The following CA10 variants were observed in gnomAD, a reference collection of about 807,000 sequenced individuals.
CA10 encodes the protein carbonic anhydrase 10 (inactive).
CA10 carries 14 observed loss-of-function variants against 44.2 expected under a neutral mutation model. That is an observed-to-expected ratio of 0.32 (90% CI 0.21 to 0.50). The LOEUF is 0.50. Among genes scored for constraint, CA10 ranks in the 20% least tolerant of loss-of-function variants. The pLI is 0.99. For synonymous variants in CA10, 159 were observed against 141.6 expected (o/e 1.12, Z -0.87); for missense variants, 350 against 409.7 (o/e 0.85, Z 1.26).
chr17:52,108,190 TTTTTTATATATATATA>T (rs776657924), intron 1 of CA10, among the ~76,000 whole-genome samples: 9,852 of 78,954 alleles, frequency 0.12, 415 homozygotes, highest in African/African-American at 0.24. Context: ...TATATATATA[TTTTTTATATATATATA>T]TATATATATA....
chr17:52,075,756 G>T (rs1413178231), intron 1 of CA10, among the ~76,000 whole-genome samples: 2 of 152,016 alleles, frequency 1.3e-5, no homozygotes, highest in African/African-American at 4.8e-5. Flanking sequence ...CTGACCTAAA[G>T]GTGCTATTTA....
chr17:51,848,467 A>G (rs1207324112), intron 3 of CA10, among the ~76,000 whole-genome samples: 3 of 152,196 alleles, frequency 2.0e-5, no homozygotes, highest in Non-Finnish European at 4.4e-5. Context: ...CAAGCCTCCA[A>G]TCTGTTCCAG....
intron 7 of CA10, among the ~76,000 whole-genome samples, chr17:51,635,513 C>CA (rs1334200070): frequency 6.7e-6 from 1 of 148,740 alleles, no homozygotes. Flanking sequence ...GACTCCATCT[C>CA]AAAAAAGAAA....
Position 52,157,839 on chromosome 17 carries a change from G to A in CA10, c.-53C>T. 1.4e-6 allele frequency: 2 copies of A among 1,457,320 alleles called. No individual in the cohort carries two copies. Among genetic ancestry groups the A allele is most frequent in the Non-Finnish European group, 1.9e-6 (2 of 1,037,024 alleles). 90.3% of individuals were successfully genotyped at this position (1,457,320 alleles called of 1,614,324 possible). On this transcript the variant is annotated 5_prime_UTR_variant, in exon 1 of 9. Coordinates refer to ENST00000451037, the MANE Select transcript of CA10 (RefSeq NM_020178.5). ...CTCGACGGGAAAACGGGGGGAAGGG[G>A]GGAGCCCGACACGGCACACACACAT...
intron 2 of CA10, among the ~76,000 whole-genome samples, chr17:51,934,559 A>T (rs913115941): frequency 6.6e-6 from 1 of 152,164 alleles, no homozygotes; most frequent in African/African-American, 2.4e-5. Context: ...TTGAAAGTCA[A>T]CTATTCTAAA....
rs561500247 is a variant in CA10 at position 51,953,612 on chromosome 17, T to C, written c.137-22480A>G. Among the ~76,000 whole-genome samples the C allele has an allele frequency of 2.0e-5, 3 of 152,272 alleles. No homozygotes were observed. In the South Asian group the frequency reaches 6.2e-4, roughly 32 times the overall value. On this transcript the variant is annotated intron_variant, in intron 2 of 8. Transcript: ENST00000451037. ...TTATTAGTTCAAGTCTCTTTTGGTG[T>C]TTCTCAACAGTATTAAACATTTTTT...
Position 52,157,816 on chromosome 17 carries a change from C to T in CA10, c.-30G>A, listed in dbSNP as rs770646683. On this transcript the variant is annotated 5_prime_UTR_variant, in exon 1 of 9. Transcript: ENST00000451037. ...TGATTCTCATTCCAAGTGCATCACT[C>T]GACGGGAAAACGGGGGGAAGGGGGG... 1 of 1,598,480 alleles carries T rather than the reference C, an allele frequency of 6.3e-7. No individual in the cohort carries two copies. Among genetic ancestry groups the T allele is most frequent in the Non-Finnish European group, 8.6e-7 (1 of 1,165,830 alleles).
At chr17:52,046,903 C>A (rs550374413) in intron 2 of CA10, among the ~76,000 whole-genome samples, 1 of 151,982 alleles carries the variant, frequency 6.6e-6, no homozygotes, top group African/African-American at 2.4e-5. Context: ...ATCATTAATT[C>A]ACCATTTTAA....
At chr17:51,909,317 G>T (rs1299678052) in intron 3 of CA10, among the ~76,000 whole-genome samples, 1 of 152,136 alleles carries the variant, frequency 6.6e-6, no homozygotes, top group East Asian at 1.9e-4. Context: ...CTTTGGAACT[G>T]GAGGTCAGGC....
chr17:51,760,856 C>T (rs986991455), intron 3 of CA10, among the ~76,000 whole-genome samples: 2 of 152,066 alleles, frequency 1.3e-5, no homozygotes, highest in African/African-American at 4.8e-5. Context: ...TTTCATGTAA[C>T]CCAATATATC....
chr17:52,045,377 G>A (rs1986884159), intron 2 of CA10, among the ~76,000 whole-genome samples: 1 of 151,978 alleles, frequency 6.6e-6, no homozygotes, highest in South Asian at 2.1e-4. Flanking sequence ...ATCTACACAA[G>A]GGAATAAACA....
At chr17:51,687,130 C>A (rs954239482) in intron 4 of CA10, among the ~76,000 whole-genome samples, 2 of 152,184 alleles carry the variant, frequency 1.3e-5, no homozygotes, top group Non-Finnish European at 2.9e-5. Context: ...TGACTTTCTA[C>A]ATCTTACCTT....
chr17:52,143,432 T>A (rs1989522195), intron 1 of CA10, among the ~76,000 whole-genome samples: 1 of 152,216 alleles, frequency 6.6e-6, no homozygotes, highest in African/African-American at 2.4e-5. Context: ...GATCTGTTTT[T>A]TCTCTTTTTT....
intron 2 of CA10, among the ~76,000 whole-genome samples, chr17:51,987,065 T>C (rs968845511): frequency 6.6e-6 from 1 of 152,112 alleles, no homozygotes; most frequent in African/African-American, 2.4e-5. Context: ...TGCATGTTTA[T>C]AGCAGCACAA....
intron 4 of CA10, among the ~76,000 whole-genome samples, chr17:51,659,307 G>GACTT (rs1341942132): frequency 6.6e-6 from 1 of 152,100 alleles, no homozygotes; most frequent in East Asian, 1.9e-4. Flanking sequence ...TAGACTCTGG[G>GACTT]ACTTACACTA....
At chr17:52,132,042 G>C (rs938314808) in intron 1 of CA10, among the ~76,000 whole-genome samples, 1 of 151,914 alleles carries the variant, frequency 6.6e-6, no homozygotes, top group Non-Finnish European at 1.5e-5. Context: ...GATAGCATTA[G>C]GAGATATACC....
intron 1 of CA10, among the ~76,000 whole-genome samples, chr17:52,094,640 G>A (rs112489686): frequency 3.3e-5 from 5 of 152,132 alleles, no homozygotes; most frequent in African/African-American, 7.2e-5. Flanking sequence ...GGGAAAAGAC[G>A]AAGTCTTTTG....
intron 1 of CA10, among the ~76,000 whole-genome samples, chr17:52,150,459 T>G (rs2143410128): frequency 6.6e-6 from 1 of 152,330 alleles, no homozygotes; most frequent in Admixed American, 6.5e-5. Context: ...TCTGGTTGGA[T>G]TCTGAGTACC....
intron 6 of CA10, among the ~76,000 whole-genome samples, chr17:51,645,756 C>T (rs1913306940): frequency 6.6e-6 from 1 of 152,168 alleles, no homozygotes; most frequent in Non-Finnish European, 1.5e-5. Context: ...GGAAACAGTA[C>T]CCAGGAAGAC....
Sources: allele counts gnomAD v4.1 joint callset (sites outside exome capture counted in the v4.1 genomes callset), GRCh38; gene constraint gnomAD v4.1.1; transcripts MANE v1.5; gene names NCBI Gene and HGNC (gene_info 2026-07-23, HGNC 2026-07-21).